Variants in TUG1 observed in about 807,000 individuals in gnomAD.
The protein encoded by TUG1 is taurine upregulated gene 1.
exon 3 of TUG1, chr22:30,979,216 G>C (rs1455805175): frequency 2.6e-5 from 4 of 152,126 alleles, no homozygotes; most frequent in African/African-American, 9.7e-5. Context: ...TGTACAGTGT[G>C]AACTCATTTT....
At chr22:30,969,783 T>G (rs1465098855) in exon 1 of TUG1, 2 of 152,262 alleles carry the variant, frequency 1.3e-5, no homozygotes, top group Non-Finnish European at 2.9e-5. Flanking sequence ...GGTTGTGGGA[T>G]TTCTACTTTG....
At chr22:30,978,393 T>C (rs1319354739) in exon 3 of TUG1, 1 of 152,226 alleles carries the variant, frequency 6.6e-6, no homozygotes, top group Non-Finnish European at 1.5e-5. Context: ...ATTCAACTTC[T>C]TAAGCAGAGA....
At chr22:30,970,509 G>A (rs545044732) in exon 1 of TUG1, 1 of 152,338 alleles carries the variant, frequency 6.6e-6, no homozygotes, top group East Asian at 1.9e-4. Context: ...GTGTAAAGCA[G>A]CTACAATTAG....
chr22:30,972,234 C>G (rs2041238985), intron 1 of TUG1: 1 of 152,170 alleles, frequency 6.6e-6, no homozygotes, highest in South Asian at 2.1e-4. Flanking sequence ...AGAAAAGTCG[C>G]TAGATATGGA....
exon 3 of TUG1, chr22:30,975,534 G>C (rs909275297): frequency 3.3e-5 from 5 of 152,186 alleles, no homozygotes; most frequent in African/African-American, 4.8e-5. Flanking sequence ...ACTTAGAAAA[G>C]TGCAAGAAGA....
exon 1 of TUG1, chr22:30,969,606 G>T: frequency 6.6e-6 from 1 of 152,632 alleles, no homozygotes; most frequent in South Asian, 1.8e-4. Context: ...CGGCGGCGGC[G>T]GGCAGCTGCT....
At chr22:30,972,295 C>T (rs2041239622) in intron 1 of TUG1, 1 of 151,976 alleles carries the variant, frequency 6.6e-6, no homozygotes, top group East Asian at 1.9e-4. Context: ...TCTAGGGAGC[C>T]CTCAGACATA....
At chr22:30,973,072 C>T (rs1433362928) in exon 2 of TUG1, 1 of 152,728 alleles carries the variant, frequency 6.5e-6, no homozygotes, top group Non-Finnish European at 1.5e-5. Flanking sequence ...CTTGTTCTAC[C>T]CAGATTCAGC....
chr22:30,976,890 T>C (rs2041294368), exon 3 of TUG1: 2 of 152,238 alleles, frequency 1.3e-5, no homozygotes, highest in Admixed American at 1.3e-4. Context: ...GTCTGGTTGC[T>C]GTAGACTGCT....
exon 3 of TUG1, chr22:30,978,544 C>T (rs1312457070): frequency 6.6e-6 from 1 of 152,136 alleles, no homozygotes; most frequent in African/African-American, 2.4e-5. Context: ...ACAGTCTGAC[C>T]CAACCTTGAG....
exon 3 of TUG1, chr22:30,976,902 G>A (rs1262349260): frequency 1.3e-5 from 2 of 152,114 alleles, no homozygotes; most frequent in South Asian, 2.1e-4. Flanking sequence ...TAGACTGCTC[G>A]CCCTCAACAA....
exon 2 of TUG1, chr22:30,973,280 G>A (rs528246942): frequency 1.3e-5 from 2 of 152,166 alleles, no homozygotes; most frequent in Non-Finnish European, 2.9e-5. Flanking sequence ...TTTGAGAGCA[G>A]CATTGGACCA....
exon 3 of TUG1, chr22:30,975,973 A>G (rs2041283860): frequency 6.6e-6 from 1 of 151,048 alleles, no homozygotes; most frequent in Admixed American, 6.6e-5. Context: ...ACTACACATC[A>G]CTGTATGACT....
chr22:30,977,812 C>T (rs958981352), exon 3 of TUG1: 1 of 152,124 alleles, frequency 6.6e-6, no homozygotes, highest in African/African-American at 2.4e-5. Flanking sequence ...AGTAACAACC[C>T]ACACCTCACC....
chr22:30,971,718 A>T (rs1258213101), exon 1 of TUG1: 3 of 153,040 alleles, frequency 2.0e-5, no homozygotes, highest in African/African-American at 7.2e-5. Flanking sequence ...GAATTAGAAG[A>T]CCTGAGTTTC....
At chr22:30,972,071 G>GTC (rs1279285829) in intron 1 of TUG1, 1 of 152,180 alleles carries the variant, frequency 6.6e-6, no homozygotes, top group Non-Finnish European at 1.5e-5. Context: ...TGAAAGCAGG[G>GTC]TCCTTGTTTA....
exon 3 of TUG1, chr22:30,975,646 A>G (rs1314137846): frequency 6.6e-6 from 1 of 152,246 alleles, no homozygotes; most frequent in Non-Finnish European, 1.5e-5. Flanking sequence ...AGTGATTCCT[A>G]GAATGGGATA....
exon 3 of TUG1, chr22:30,975,510 A>G (rs2041278187): frequency 6.6e-6 from 1 of 152,176 alleles, no homozygotes; most frequent in Non-Finnish European, 1.5e-5. Context: ...CATTCTTAGA[A>G]ATACTGTGTG....
At chr22:30,978,508 C>T (rs2041314784) in exon 3 of TUG1, 3 of 152,218 alleles carry the variant, frequency 2.0e-5, no homozygotes, top group African/African-American at 7.2e-5. Flanking sequence ...AAAACCACCT[C>T]TTCCTATTTT....
Sources: gnomAD v4.1 joint callset for allele counts on GRCh38, gnomAD v4.1.1 for gene constraint, MANE v1.5 for transcripts, NCBI Gene and HGNC (gene_info 2026-07-23, HGNC 2026-07-21) for gene names.